The following CLIP1 variants were observed in gnomAD, a reference collection of about 807,000 sequenced individuals.
The protein encoded by CLIP1 is CAP-Gly domain-containing linker protein 1.
In CLIP1, 66 loss-of-function variants were observed where a neutral mutation model predicts 161.6. The ratio of observed to expected loss-of-function variants is 0.41; its 90% CI spans 0.33 to 0.50. The LOEUF is 0.50. Ranked by LOEUF, CLIP1 falls within the 20% of genes least tolerant of loss-of-function variation. CLIP1 has a pLI of 0.27. For missense variants in CLIP1, 1,376 were observed against 1,702.0 expected (o/e 0.81, Z 3.37); for synonymous variants, 598 against 626.2 (o/e 0.96, Z 0.67).
At chr12:122,401,492 C>T (rs1180075073) in intron 1 of CLIP1, among the ~76,000 whole-genome samples, 1 of 151,658 alleles carries the variant, frequency 6.6e-6, no homozygotes, top group Admixed American at 6.6e-5. Context: ...ACGGCGAAGC[C>T]CCATCTCTAC....
chr12:122,350,972 C>T (rs757212041), intron 9 of CLIP1, 139 bp downstream of exon 9: 133 of 559,952 alleles, frequency 2.4e-4, no homozygotes, highest in Middle Eastern at 8.3e-4. Context: ...GCTTTGAAAG[C>T]CACATGCACA....
chr12:122,351,664 G>A lies in CLIP1; in HGVS notation c.1369-521C>T, dbSNP rs1001857848. ...TAGCAAAACTGCATATTTGGGAAACGCACAGTTAAGTGCAATTTTTACTAA... is the reference window on the plus strand; with the variant it reads ...TAGCAAAACTGCATATTTGGGAAACACACAGTTAAGTGCAATTTTTACTAA... On this transcript the variant is annotated intron_variant, in intron 8 of 25. Coordinates refer to ENST00000620786, the MANE Select transcript of CLIP1 (RefSeq NM_001247997.2). 5.3e-5 allele frequency among the ~76,000 whole-genome samples: 8 copies of A among 152,164 alleles called. No homozygotes were observed. In the South Asian group the frequency reaches 6.2e-4, roughly 12 times the overall value.
At chr12:122,406,688 G>A (rs929876022) in intron 1 of CLIP1, among the ~76,000 whole-genome samples, 3 of 152,124 alleles carry the variant, frequency 2.0e-5, no homozygotes, top group Admixed American at 1.3e-4. Context: ...AGGTGTGTAT[G>A]ACATAGTACA....
intron 23 of CLIP1, 95 bp downstream of exon 23, chr12:122,278,697 A>G (rs1955528909): frequency 2.3e-6 from 3 of 1,303,396 alleles, no homozygotes; most frequent in South Asian, 1.6e-5. Flanking sequence ...GGGTCAGGGC[A>G]GCATGAGAGC....
At chr12:122,329,405 C>T (rs1033461854) in intron 15 of CLIP1, among the ~76,000 whole-genome samples, 8 of 151,706 alleles carry the variant, frequency 5.3e-5, no homozygotes, top group South Asian at 2.1e-4. Context: ...GATGGGGGGG[C>T]GGATCACGAG....
At chr12:122,359,359 G>A (rs1266932818) in intron 5 of CLIP1, among the ~76,000 whole-genome samples, 1 of 152,128 alleles carries the variant, frequency 6.6e-6, no homozygotes, top group East Asian at 1.9e-4. Context: ...GCGGGAGCAG[G>A]GAGAGCTTGC....
rs773025211 is a variant in CLIP1, at chr12:122,278,928, C to T, written c.3780G>A (p.Arg1260=). 6.2e-7 allele frequency: 1 copy of T among 1,609,500 alleles called. No individual in the cohort carries two copies. The highest frequency in any genetic ancestry group is 1.3e-5 in the African/African-American group (1 of 74,708). Residue 1260 remains arginine (R), a synonymous_variant, in exon 23 of 26, where the codon AGG becomes AGA. Coordinates refer to ENST00000620786, the MANE Select transcript of CLIP1 (RefSeq NM_001247997.2). The part of the protein sequence containing the change: ...EKLRNEVTVL[R]GENASAKSLH... ...AGGACTTGGCAGAGGCGTTTTCTCC[C>T]CTGAGCACTGTGACCTGAAACACAG... is the stretch of plus-strand genomic sequence containing the variant.
chr12:122,276,501 AG>A, intron 24 of CLIP1: 2 of 1,287,780 alleles, frequency 1.6e-6, no homozygotes, highest in Non-Finnish European at 2.0e-6. Context: ...GCAGAAAGGA[AG>A]GGGGAAGAGA....
intron 10 of CLIP1, among the ~76,000 whole-genome samples, chr12:122,344,544 C>T (rs888410025): frequency 2.0e-5 from 3 of 151,906 alleles, no homozygotes; most frequent in Non-Finnish European, 4.4e-5. Flanking sequence ...ACAAAACAGT[C>T]AAGTAGAGAA....
intron 20 of CLIP1, among the ~76,000 whole-genome samples, chr12:122,304,661 T>C (rs571902697): frequency 5.9e-5 from 9 of 152,316 alleles, no homozygotes; most frequent in African/African-American, 1.9e-4. Flanking sequence ...ACGTCCAGCC[T>C]TGGGTGCCAA....
chr12:122,357,118 GTC>G (rs1953440357), intron 5 of CLIP1, among the ~76,000 whole-genome samples: 3 of 151,834 alleles, frequency 2.0e-5, no homozygotes, highest in South Asian at 4.2e-4. Flanking sequence ...AGTGAGGAGC[GTC>G]TCTGCCCGGC....
intron 20 of CLIP1, among the ~76,000 whole-genome samples, chr12:122,309,213 T>C (rs573998966): frequency 6.6e-6 from 1 of 152,246 alleles, no homozygotes; most frequent in Non-Finnish European, 1.5e-5. Context: ...TTATAGTTCA[T>C]GCCAGTTGTA....
At chr12:122,397,368 G>C (rs1955952790) in intron 1 of CLIP1, among the ~76,000 whole-genome samples, 1 of 151,210 alleles carries the variant, frequency 6.6e-6, no homozygotes, top group Non-Finnish European at 1.5e-5. Flanking sequence ...GGAGACCAAA[G>C]TGGGTGGATC....
chr12:122,402,742 CTCCAGCCTGGGTGGCAGCACTACAT>C (rs1276816474), intron 1 of CLIP1, among the ~76,000 whole-genome samples: 1 of 152,174 alleles, frequency 6.6e-6, no homozygotes, highest in Non-Finnish European at 1.5e-5. Context: ...CGCCACTGTA[CTCCAGCCTGGGTGGCAGCACTACAT>C]TCCAGCCTGG....
chr12:122,384,779 AT>A (rs1276835539), intron 1 of CLIP1, among the ~76,000 whole-genome samples: 8 of 151,322 alleles, frequency 5.3e-5, no homozygotes, highest in South Asian at 2.1e-4. Context: ...AAAAAAAAAA[AT>A]AAAGCGAAAT....
chr12:122,278,345 A>G, intron 23 of CLIP1, 142 bp from the exon 24 acceptor site: 1 of 766,738 alleles, frequency 1.3e-6, no homozygotes, highest in Non-Finnish European at 2.2e-6. Flanking sequence ...CTTTCAGCAC[A>G]TGTGGATGAG....
At chr12:122,274,562 C>A (rs182448905) in intron 24 of CLIP1, 46 of 147,580 alleles carry the variant, frequency 3.1e-4, no homozygotes, top group Admixed American at 1.8e-3. Flanking sequence ...TTTTTTGAGA[C>A]GGAGTCTCGC....
At chr12:122,354,835 G>A (rs112222303) in intron 6 of CLIP1, 166 of 576,660 alleles carry the variant, frequency 2.9e-4, no homozygotes, top group African/African-American at 2.7e-3. Flanking sequence ...ATCAATCATT[G>A]GTAAGGCCCT....
intron 20 of CLIP1, 110 bp from the exon 21 acceptor site, chr12:122,288,651 T>G: frequency 1.2e-6 from 1 of 823,440 alleles, no homozygotes; most frequent in Non-Finnish European, 1.9e-6. Flanking sequence ...GCCATTGGCT[T>G]TCCTCAACAG....
Sources: allele counts gnomAD v4.1 joint callset (sites outside exome capture counted in the v4.1 genomes callset), GRCh38; gene constraint gnomAD v4.1.1; transcripts MANE v1.5; gene names NCBI Gene and HGNC (gene_info 2026-07-23, HGNC 2026-07-21).